CSRNP2: variants seen among roughly 807,000 people sequenced by gnomAD.
CSRNP2 encodes cysteine and serine rich nuclear protein 2.
CSRNP2 carries 11 observed loss-of-function variants against 36.6 expected under a neutral mutation model. The observed-to-expected ratio is 0.30, with a 90% CI of 0.19 to 0.50. The LOEUF is 0.50. CSRNP2 is among the 20% of genes least tolerant of loss of function. CSRNP2 has a pLI of 0.98. For missense variants in CSRNP2, 483 were observed against 691.4 expected (o/e 0.70, Z 3.38); for synonymous variants, 248 against 275.3 (o/e 0.90, Z 0.98).
At chr12:51,069,222 A>G (rs1938778005) in intron 3 of CSRNP2, among the ~76,000 whole-genome samples, 1 of 146,458 alleles carries the variant, frequency 6.8e-6, no homozygotes, top group Non-Finnish European at 1.5e-5. Flanking sequence ...TAATCTGCCC[A>G]CCTCGGCCTC....
chr12:51,067,842 G>A lies in CSRNP2; in HGVS notation c.539C>T (p.Thr180Ile). 6.2e-7 allele frequency: 1 copy of A among 1,614,200 alleles called. No homozygotes were observed. Among genetic ancestry groups the A allele is most frequent in the Non-Finnish European group, 8.5e-7 (1 of 1,180,036 alleles). Residue 180 changes from threonine (T) to isoleucine (I), a missense_variant, in exon 4 of 5, where the codon ACC becomes ATC. By Grantham distance (89) the Thr-to-Ile change is moderately conservative (BLOSUM62 -1). Transcript: ENST00000228515. The surrounding 1 kb of genome is among the most constrained non-coding windows in gnomAD (Gnocchi z 4.1). ...DDYFFLQPLPTKRRRALLRAS... is the reference protein window; with the variant it reads ...DDYFFLQPLPIKRRRALLRAS... ...CCTCAGCAGGGCCCGTCGCCGTTTG[G>A]TGGGCAGAGGCTGCAGGAAGAAGTA...
intron 2 of CSRNP2, among the ~76,000 whole-genome samples, chr12:51,076,130 G>T (rs1939388066): frequency 6.6e-6 from 1 of 152,142 alleles, no homozygotes; most frequent in Admixed American, 6.5e-5. Context: ...ACAATTTCCT[G>T]GAACTCTCTG....
intron 3 of CSRNP2, among the ~76,000 whole-genome samples, chr12:51,072,648 A>ATC (rs1270604894): frequency 6.8e-4 from 78 of 115,032 alleles, no homozygotes; most frequent in African/African-American, 2.1e-3. Context: ...TCTCTCTCGA[A>ATC]GAAGAGGTGG....
chr12:51,068,365 T>C (rs559278115), intron 3 of CSRNP2, among the ~76,000 whole-genome samples: 1 of 152,274 alleles, frequency 6.6e-6, no homozygotes, highest in South Asian at 2.1e-4. Context: ...TTGGCCAGGC[T>C]AGTCTTGAAC....
intron 1 of CSRNP2, among the ~76,000 whole-genome samples, chr12:51,078,070 T>C (rs1405173002): frequency 6.6e-6 from 1 of 152,196 alleles, no homozygotes; most frequent in East Asian, 1.9e-4. Context: ...ATGATCTCAC[T>C]AGTTGCTAAT....
rs571319882 is a variant in CSRNP2 at position 51,061,572 on chromosome 12, TAATATTTAGCACTTAA to T, written c.*2158_*2173del. The T allele has an allele frequency of 5.7e-4, 87 of 152,746 alleles. No individual in the cohort carries two copies. Among genetic ancestry groups the T allele is most frequent in the African/African-American group, 1.9e-3 (79 of 41,560 alleles). 9.5% of individuals were successfully genotyped at this position (152,746 alleles called of 1,614,324 possible). ...TGACAAGACAGTTAATGCTAAATGT[TAATATTTAGCACTTAA>T]AAGTTTGGGATCAGTGTGAGTCACA... On this transcript the variant is annotated 3_prime_UTR_variant, in exon 5 of 5. Transcript: ENST00000228515.
intron 2 of CSRNP2, 115 bp downstream of exon 2, chr12:51,076,296 G>C: frequency 8.8e-7 from 1 of 1,132,298 alleles, no homozygotes; most frequent in East Asian, 2.4e-5. Context: ...CAAAGAGCAA[G>C]GAAAGATGAT....
rs778428919 is a variant in CSRNP2, at chr12:51,064,349, G to T, written c.1029C>A (p.Ser343Arg). ...LERLKAEEDS[S>R]GSSASLDSSI... Reference sequence around the variant, plus strand: ...TCGAGTCCAGGCTGGCACTAGAGCCGCTGGAATCTTCTTCTGCCTTGAGCC... The same window carrying T: ...TCGAGTCCAGGCTGGCACTAGAGCCTCTGGAATCTTCTTCTGCCTTGAGCC... The change falls in exon 5 of 5, where the codon AGC becomes AGA. Residue 343 changes from serine to arginine, a missense_variant. Physicochemically the swap from Ser to Arg is moderately radical, Grantham distance 110. Around this residue, in one of 2 missense-constraint regions of CSRNP2, gnomAD observed 277 missense variants for 323.6 expected, o/e 0.86. Transcript: ENST00000228515. The T allele has an allele frequency of 4.3e-6, 7 of 1,614,140 alleles. No individual in the cohort carries two copies. Among genetic ancestry groups the T allele is most frequent in the Non-Finnish European group, 5.9e-6 (7 of 1,180,018 alleles).
chr12:51,069,287 CT>C (rs71089740), intron 3 of CSRNP2, among the ~76,000 whole-genome samples: 18,058 of 121,150 alleles, frequency 0.15, 940 homozygotes, highest in South Asian at 0.23. Context: ...CTTCTCCTTT[CT>C]TTTTTTTTTT....
intron 1 of CSRNP2, among the ~76,000 whole-genome samples, chr12:51,079,211 CG>C (rs1321114579): frequency 1.2e-4 from 18 of 151,806 alleles, no homozygotes; most frequent in Admixed American, 1.2e-3. Context: ...CATCACACAC[CG>C]GGGCCTGTCG....
intron 1 of CSRNP2, among the ~76,000 whole-genome samples, chr12:51,080,072 C>CACAAAA (rs1939570003): frequency 1.8e-5 from 1 of 54,988 alleles, no homozygotes; most frequent in African/African-American, 7.2e-5. Flanking sequence ...GACTCTGTCT[C>CACAAAA]AAAAAAAAAA....
intron 1 of CSRNP2, among the ~76,000 whole-genome samples, chr12:51,078,651 G>A (rs187082373): frequency 3.9e-5 from 6 of 152,286 alleles, no homozygotes; most frequent in East Asian, 3.9e-4. Context: ...TCAGAGATAC[G>A]CAAATCAAAA....
At chr12:51,081,099 C>A (rs1442397117) in intron 1 of CSRNP2, among the ~76,000 whole-genome samples, 1 of 152,036 alleles carries the variant, frequency 6.6e-6, no homozygotes, top group East Asian at 1.9e-4. Context: ...ACCAGCCTGG[C>A]CAACATGGCA....
Position 51,067,462 on chromosome 12 carries a change from C to A in CSRNP2, c.708+211G>T, listed in dbSNP as rs1439535262. Among the ~76,000 whole-genome samples, 2 of 152,138 alleles carry A rather than the reference C, an allele frequency of 1.3e-5. No individual in the cohort carries two copies. Among genetic ancestry groups the A allele is most frequent in the African/African-American group, 4.8e-5 (2 of 41,414 alleles). ...ACTCAAGAGATCCTCCTACCTCAGC[C>A]TCCCACATAGCTAGGATTAGAGGTG... On this transcript the variant is annotated intron_variant, in intron 4 of 4. Coordinates refer to ENST00000228515, the MANE Select transcript of CSRNP2 (RefSeq NM_030809.3). This position sits in a 1 kb window ranked among gnomAD's most constrained non-coding sequence, Gnocchi z 4.1.
intron 3 of CSRNP2, among the ~76,000 whole-genome samples, chr12:51,072,898 C>T (rs897546831): frequency 3.3e-5 from 5 of 151,980 alleles, no homozygotes; most frequent in East Asian, 1.9e-4. Flanking sequence ...AACGCCTTCA[C>T]GTATTCATAT....
Position 51,063,740 on chromosome 12 carries a change from C to T in CSRNP2, c.*6G>A, listed in dbSNP as rs202000571. The T allele has an allele frequency of 6.1e-5, 94 of 1,531,476 alleles. No homozygotes were observed. Among genetic ancestry groups the T allele is most frequent in the African/African-American group, 3.7e-4 (27 of 72,118 alleles). The allele number at this position is 1,531,476 out of a possible 1,614,324, so 94.9% of individuals were successfully genotyped here. A position where few individuals can be genotyped will look rare whatever the true frequency, so the allele number is the denominator to read the frequency against. The stretch of plus-strand genomic sequence containing the variant: ...AATGGGTAAGAGGCAGGACCTCTAG[C>T]GCCTGTCACACTGCCAGAGGGAGTT... On this transcript the variant is annotated 3_prime_UTR_variant, in exon 5 of 5. Transcript: ENST00000228515.
Position 51,063,139 on chromosome 12 carries a change from G to A in CSRNP2, c.*607C>T, listed in dbSNP as rs145529391. On this transcript the variant is annotated 3_prime_UTR_variant, in exon 5 of 5. Transcript: ENST00000228515. ...CCAGGAATCCCCAGTGTGGGGAACA[G>A]GTCAGAGAACACCAAACATGTCAAA... 63 of 152,266 alleles carry A rather than the reference G, an allele frequency of 4.1e-4. No homozygotes were observed. Among genetic ancestry groups the A allele is most frequent in the African/African-American group, 1.5e-3 (62 of 41,546 alleles). The allele number at this position is 152,266 out of a possible 1,614,324, so 9.4% of individuals were successfully genotyped here.
rs1948836695 is a variant in CSRNP2, at chr12:51,061,714, T to A, written c.*2032A>T. The A allele has an allele frequency of 6.6e-6, 1 of 152,194 alleles. No homozygotes were observed. The highest frequency in any genetic ancestry group is 1.5e-5 in the Non-Finnish European group (1 of 68,036). The allele number at this position is 152,194 out of a possible 1,614,324, so 9.4% of individuals were successfully genotyped here. A position where few individuals can be genotyped will look rare whatever the true frequency, so the allele number is the denominator to read the frequency against. ...AATGAGCTTAATAATTACAGATTCA[T>A]ATTCCTGGTTTGATCCCAAAAGCTA... On this transcript the variant is annotated 3_prime_UTR_variant, in exon 5 of 5. Transcript: ENST00000228515.
At chr12:51,080,355 C>T (rs1017214607) in intron 1 of CSRNP2, among the ~76,000 whole-genome samples, 11 of 152,104 alleles carry the variant, frequency 7.2e-5, no homozygotes, top group South Asian at 2.1e-4. Flanking sequence ...CAATTCTCCA[C>T]GGTCTTAACC....
Sources: allele counts gnomAD v4.1 joint callset (sites outside exome capture counted in the v4.1 genomes callset), GRCh38; gene constraint gnomAD v4.1.1; regional missense constraint gnomAD v4.1.1; non-coding constraint Gnocchi (gnomAD v3.1); transcripts MANE v1.5; gene names NCBI Gene and HGNC (gene_info 2026-07-23, HGNC 2026-07-21).